PTPRD: variants seen among roughly 807,000 people sequenced by gnomAD.
PTPRD encodes the protein receptor-type tyrosine-protein phosphatase delta.
A neutral mutation model predicts 214.5 loss-of-function variants in PTPRD; 34 were observed. The observed-to-expected ratio is 0.16, with a 90% confidence interval of 0.12 to 0.21. The LOEUF is 0.21. Ranked by LOEUF, PTPRD falls within the 10% of genes least tolerant of loss-of-function variation. PTPRD has a pLI of 1.00. For synonymous variants in PTPRD, 1,128 were observed against 845.7 expected (o/e 1.33, Z -5.79); for missense variants, 2,545 against 2,398.7 (o/e 1.06, Z -1.27).
At chr9:9,967,791 A>G (rs2094811750) in intron 4 of PTPRD, among the ~76,000 whole-genome samples, 1 of 152,206 alleles carries the variant, frequency 6.6e-6, no homozygotes, top group Admixed American at 6.5e-5. Context: ...TAAAAAGTTG[A>G]AAGGTAAATC....
chr9:10,606,760 G>T (rs963632666), intron 2 of PTPRD, among the ~76,000 whole-genome samples: 3 of 151,782 alleles, frequency 2.0e-5, no homozygotes, highest in South Asian at 2.1e-4. Context: ...CACAATGCTT[G>T]CCTGGCTTTG....
intron 12 of PTPRD, among the ~76,000 whole-genome samples, chr9:8,662,990 G>T (rs1447612102): frequency 6.6e-6 from 1 of 151,976 alleles, no homozygotes; most frequent in Non-Finnish European, 1.5e-5. Flanking sequence ...AAATAAAAAG[G>T]TTTTGTTTTC....
At chr9:9,623,451 A>G (rs1212026968) in intron 7 of PTPRD, among the ~76,000 whole-genome samples, 2 of 152,194 alleles carry the variant, frequency 1.3e-5, no homozygotes, top group Non-Finnish European at 2.9e-5. Flanking sequence ...TTTTTCCAGT[A>G]TAGGCAATAT....
Position 10,126,422 on chromosome 9 carries a change from TATATACACACACAC to T in PTPRD, c.-544-92646_-544-92633del, listed in dbSNP as rs2098819831. ...TGATTCCTTAAATAATACTGTTTTA[TATATACACACACAC>T]ACACACACACACACACACACACACA... On this transcript the variant is annotated intron_variant, in intron 3 of 45. Coordinates refer to ENST00000381196, the MANE Select transcript of PTPRD (RefSeq NM_002839.4). Among the ~76,000 whole-genome samples the T allele has an allele frequency of 4.2e-5, 2 of 47,128 alleles. 1 individual carries two copies. Among genetic ancestry groups the T allele is most frequent in the Non-Finnish European group, 1.4e-4 (2 of 14,072 alleles). 30.9% of individuals were successfully genotyped at this position (47,128 alleles called of 152,430 possible).
chr9:8,553,410 T>G (rs1424566233), intron 14 of PTPRD, among the ~76,000 whole-genome samples: 1 of 152,170 alleles, frequency 6.6e-6, no homozygotes, highest in Non-Finnish European at 1.5e-5. Flanking sequence ...AAGGAGCAAT[T>G]TGGTTTGCTT....
chr9:9,228,538 C>T (rs1042631300), intron 9 of PTPRD, among the ~76,000 whole-genome samples: 10 of 151,776 alleles, frequency 6.6e-5, no homozygotes, highest in African/African-American at 2.4e-4. Context: ...ACTACTGTAT[C>T]TTTTTTTTCT....
chr9:9,593,280 T>G (rs998724750), intron 7 of PTPRD, among the ~76,000 whole-genome samples: 1 of 151,596 alleles, frequency 6.6e-6, no homozygotes, highest in Non-Finnish European at 1.5e-5. Flanking sequence ...GTCCACACTA[T>G]TTTTTATGGA....
intron 3 of PTPRD, among the ~76,000 whole-genome samples, chr9:10,203,504 G>T (rs183080963): frequency 6.6e-6 from 1 of 151,978 alleles, no homozygotes; most frequent in South Asian, 2.1e-4. Context: ...TGAGGGTAAG[G>T]CATCTATATT....
At chr9:10,523,619 ATATAGACAGAAAGAAAGG>A (rs1198178120) in intron 2 of PTPRD, among the ~76,000 whole-genome samples, 1 of 117,422 alleles carries the variant, frequency 8.5e-6, no homozygotes, top group Admixed American at 1.1e-4. Flanking sequence ...ATATATATAT[ATATAGACAGAAAGAAAGG>A]GAGAGAGAGA....
chr9:9,618,070 T>C (rs2094999834), intron 7 of PTPRD, among the ~76,000 whole-genome samples: 1 of 14,976 alleles, frequency 6.7e-5, no homozygotes, highest in South Asian at 2.6e-3. Context: ...AGACTCCATC[T>C]CAAAAAAAAA....
At chr9:10,449,398 C>A (rs1050008994) in intron 2 of PTPRD, among the ~76,000 whole-genome samples, 11 of 151,898 alleles carry the variant, frequency 7.2e-5, no homozygotes, top group Admixed American at 1.3e-4. Context: ...ACAACCTCCA[C>A]CTCCCAGCCG....
intron 9 of PTPRD, among the ~76,000 whole-genome samples, chr9:9,374,518 G>A (rs1443475727): frequency 6.6e-6 from 1 of 152,116 alleles, no homozygotes; most frequent in African/African-American, 2.4e-5. Context: ...TAGTTTAATA[G>A]GATGAAGCTG....
At chr9:9,046,956 T>C (rs189380588) in intron 10 of PTPRD, among the ~76,000 whole-genome samples, 2 of 152,062 alleles carry the variant, frequency 1.3e-5, no homozygotes, top group African/African-American at 2.4e-5. Flanking sequence ...GGCATCCAAA[T>C]TGGAATGGAA....
At chr9:10,133,873 G>C (rs776356815) in intron 3 of PTPRD, among the ~76,000 whole-genome samples, 9 of 152,094 alleles carry the variant, frequency 5.9e-5, no homozygotes, top group Non-Finnish European at 1.2e-4. Flanking sequence ...ATTTTTTGTT[G>C]TTGGTAAAAT....
At chr9:9,456,294 C>A (rs1452935201) in intron 8 of PTPRD, among the ~76,000 whole-genome samples, 1 of 151,654 alleles carries the variant, frequency 6.6e-6, no homozygotes, top group Non-Finnish European at 1.5e-5. Context: ...AACACAAACC[C>A]CAATGTCTGC....
intron 8 of PTPRD, among the ~76,000 whole-genome samples, chr9:9,441,425 G>T (rs2087734400): frequency 6.6e-6 from 1 of 152,182 alleles, no homozygotes; most frequent in Non-Finnish European, 1.5e-5. Flanking sequence ...TTCTCTATTG[G>T]AAAGATAATG....
At chr9:9,342,986 G>T (rs2047407433) in intron 9 of PTPRD, among the ~76,000 whole-genome samples, 4 of 152,016 alleles carry the variant, frequency 2.6e-5, no homozygotes, top group Admixed American at 2.6e-4. Flanking sequence ...TGTGGTGTTT[G>T]GTTTTCTGTT....
intron 14 of PTPRD, among the ~76,000 whole-genome samples, chr9:8,568,823 A>G (rs968159544): frequency 1.2e-4 from 18 of 152,052 alleles, no homozygotes; most frequent in Admixed American, 3.3e-4. Flanking sequence ...GAAAATGTCT[A>G]TAAGTGTTGG....
At chr9:8,979,628 A>T (rs539750141) in intron 11 of PTPRD, among the ~76,000 whole-genome samples, 5 of 152,156 alleles carry the variant, frequency 3.3e-5, no homozygotes, top group Admixed American at 3.3e-4. Context: ...CAACAATTAT[A>T]TGAAAAGTTG....
Sources: allele counts gnomAD v4.1 joint callset (sites outside exome capture counted in the v4.1 genomes callset), GRCh38; gene constraint gnomAD v4.1.1; transcripts MANE v1.5; gene names NCBI Gene and HGNC (gene_info 2026-07-23, HGNC 2026-07-21).